MED15: variants seen among roughly 807,000 people sequenced by gnomAD.
MED15 encodes mediator of RNA polymerase II transcription subunit 15.
In MED15, 41 loss-of-function variants were observed where a neutral mutation model predicts 118.7. The ratio of observed to expected loss-of-function variants is 0.35; its 90% CI spans 0.27 to 0.45. MED15 has a LOEUF of 0.45. Among genes scored for constraint, MED15 ranks in the 20% least tolerant of loss-of-function variants. The pLI is 1.00. For synonymous variants in MED15, 436 were observed against 413.9 expected, an observed-to-expected ratio of 1.05 and a Z score of -0.65; for missense variants, 740 against 1,025.5, an observed-to-expected ratio of 0.72 and a Z score of 3.80.
chr22:20,510,791 G>T (rs1254952986), intron 1 of MED15, among the ~76,000 whole-genome samples: 1 of 152,198 alleles, frequency 6.6e-6, no homozygotes, highest in Non-Finnish European at 1.5e-5. Context: ...AGTGCACACA[G>T]AGAAGCCAGG....
intron 1 of MED15, among the ~76,000 whole-genome samples, chr22:20,521,869 G>A (rs996595781): frequency 2.0e-5 from 3 of 151,848 alleles, no homozygotes; most frequent in Non-Finnish European, 2.9e-5. Flanking sequence ...GGGACTACAG[G>A]CGTGCACCAC....
chr22:20,525,715 T>C (rs1011315307), intron 1 of MED15, among the ~76,000 whole-genome samples: 3 of 151,684 alleles, frequency 2.0e-5, no homozygotes, highest in African/African-American at 4.8e-5. Flanking sequence ...TTTGTATTTT[T>C]AGTAGAGACG....
chr22:20,576,453 C>A (rs1437491545), intron 9 of MED15, among the ~76,000 whole-genome samples: 3 of 152,244 alleles, frequency 2.0e-5, no homozygotes, highest in African/African-American at 7.2e-5. Flanking sequence ...GTGCCACACA[C>A]CACACACTGC....
chr22:20,527,016 G>C (rs2054668896), intron 1 of MED15, among the ~76,000 whole-genome samples: 1 of 152,150 alleles, frequency 6.6e-6, no homozygotes, highest in Admixed American at 6.5e-5. Flanking sequence ...ATGCTAACTG[G>C]GGAATTTAAA....
intron 17 of MED15, 41 bp downstream of exon 17, chr22:20,585,867 G>C (rs1385593448): frequency 1.3e-6 from 2 of 1,588,854 alleles, no homozygotes; most frequent in Admixed American, 3.4e-5. Context: ...CCCAGGGCAA[G>C]CAGGGGTCAT....
At chr22:20,585,703 A>T (rs1369838262) in intron 16 of MED15, 25 bp from the exon 17 acceptor site, 1 of 1,608,986 alleles carries the variant, frequency 6.2e-7, no homozygotes, top group East Asian at 2.2e-5. Context: ...TGTCCAGGTC[A>T]CAGATAGAGC....
rs1484994639 is a variant in MED15 at position 20,564,490 on chromosome 22, G to GCAA, written c.495_497dup (p.Gln168dup). The stretch of plus-strand genomic sequence containing the variant: ...AGCAGGTGGCGCTGCAGCAGCAGCA[G>GCAA]CAACAGCAGCAGTTCCAGCAGCAGC... On this transcript the variant is annotated inframe_insertion, in exon 6 of 18. Coordinates refer to ENST00000263205, the MANE Select transcript of MED15 (RefSeq NM_001003891.3). 1 of 1,608,624 alleles carries GCAA rather than the reference G, an allele frequency of 6.2e-7. No homozygotes were observed. The highest frequency in any genetic ancestry group is 8.5e-7 in the Non-Finnish European group (1 of 1,175,698).
Position 20,585,259 on chromosome 22 carries a change from G to T in MED15, c.2123G>T (p.Cys708Phe). 1 of 1,613,098 alleles carries T rather than the reference G, an allele frequency of 6.2e-7. No individual in the cohort carries two copies. The highest frequency in any genetic ancestry group is 8.5e-7 in the Non-Finnish European group (1 of 1,179,634). ...CSNNGTVHLI[C>F]KLDDKDLPSV... ...AACAATGGCACTGTCCACCTGATCT[G>T]CAAGCTGGGTGAGTGTCCAGAGGGC... Residue 708 changes from cysteine to phenylalanine, a missense_variant, in exon 16 of 18, where the codon TGC (cysteine) becomes TTC (phenylalanine). This residue lies in a region of MED15 where 179 missense variants were observed against 259.0 expected (regional missense o/e 0.69). Coordinates refer to ENST00000263205, the MANE Select transcript of MED15 (RefSeq NM_001003891.3).
chr22:20,573,388 G>A (rs5759311), intron 8 of MED15, among the ~76,000 whole-genome samples: 9,008 of 152,278 alleles, frequency 0.059, 609 homozygotes, highest in East Asian at 0.36. Flanking sequence ...GACTCCCATT[G>A]TGGACATGTA....
At position 20,586,488 on chromosome 22, in the gene MED15, C is replaced by A. The variant is rs998637844; in HGVS notation, c.2231-80C>A. The A allele has an allele frequency of 1.8e-5, 28 of 1,567,194 alleles. No homozygotes were observed. The Admixed American group carries it at 4.8e-4, about 27-fold the overall frequency. ...CTTCGGCCCGCGCCTGGGGCTACCC[C>A]TTCCCAGAGCACTGCCGGGTGTGCC... On this transcript the variant is annotated intron_variant, in intron 17 of 17. Coordinates refer to ENST00000263205, the MANE Select transcript of MED15 (RefSeq NM_001003891.3).
rs1483841368 is a variant in MED15, at chr22:20,564,544, G to GCAGCAGCAA, written c.555_563dup (p.Gln186_Gln188dup). 6.2e-7 allele frequency: 1 copy of GCAGCAGCAA among 1,606,106 alleles called. No homozygotes were observed. The highest frequency in any genetic ancestry group is 8.5e-7 in the Non-Finnish European group (1 of 1,173,828). On this transcript the variant is annotated inframe_insertion, in exon 6 of 18. Coordinates refer to ENST00000263205, the MANE Select transcript of MED15 (RefSeq NM_001003891.3). ...AGGCGGCGCTACAGCAGCAGCAGCA[G>GCAGCAGCAA]CAGCAGCAACAGCAGCAGTTCCAGG... is the stretch of plus-strand genomic sequence containing the variant.
At chr22:20,547,301 T>G (rs1459698169) in intron 2 of MED15, among the ~76,000 whole-genome samples, 1 of 152,256 alleles carries the variant, frequency 6.6e-6, no homozygotes, top group Non-Finnish European at 1.5e-5. Flanking sequence ...ATTTCTTTTC[T>G]CTATATGATT....
intron 5 of MED15, among the ~76,000 whole-genome samples, chr22:20,563,710 C>G (rs781624509): frequency 1.8e-4 from 27 of 152,226 alleles, no homozygotes; most frequent in Non-Finnish European, 2.9e-4. Context: ...TTGGAGGAAA[C>G]TGGGCAAAGT....
chr22:20,577,013 G>A (rs774459401), intron 9 of MED15, among the ~76,000 whole-genome samples: 2 of 152,142 alleles, frequency 1.3e-5, no homozygotes, highest in Admixed American at 6.6e-5. Context: ...TTCAGTGTGC[G>A]ATATGTGCCA....
chr22:20,556,769 T>C (rs2056028258), intron 5 of MED15, among the ~76,000 whole-genome samples: 1 of 152,212 alleles, frequency 6.6e-6, no homozygotes, highest in Non-Finnish European at 1.5e-5. Flanking sequence ...GATCGCGCCC[T>C]CCCTCCAGCC....
At chr22:20,577,603 A>G (rs928235820) in intron 9 of MED15, among the ~76,000 whole-genome samples, 3 of 151,954 alleles carry the variant, frequency 2.0e-5, no homozygotes, top group African/African-American at 7.3e-5. Flanking sequence ...GAAGCTGAAA[A>G]AGTTATTGCC....
intron 1 of MED15, 93 bp downstream of exon 1, chr22:20,507,839 G>A (rs2146317639): frequency 6.4e-7 from 1 of 1,563,226 alleles, no homozygotes; most frequent in South Asian, 1.1e-5. Context: ...GAAACCTACG[G>A]CGCCGGGAGA....
At chr22:20,567,543 A>G (rs1021871393) in intron 7 of MED15, among the ~76,000 whole-genome samples, 1 of 152,060 alleles carries the variant, frequency 6.6e-6, no homozygotes, top group Non-Finnish European at 1.5e-5. Flanking sequence ...AGTCTAGGAG[A>G]GTTGTGAGGA....
At chr22:20,577,734 C>T (rs371271102) in intron 9 of MED15, among the ~76,000 whole-genome samples, 31 of 151,970 alleles carry the variant, frequency 2.0e-4, no homozygotes, top group African/African-American at 7.0e-4. Context: ...CCCGCCCATT[C>T]GCACTGGCAG....
Sources: gnomAD v4.1 joint callset for allele counts (sites outside exome capture counted in the v4.1 genomes callset) on GRCh38, gnomAD v4.1.1 for gene constraint, gnomAD v4.1.1 regional missense constraint, MANE v1.5 for transcripts, NCBI Gene and HGNC (gene_info 2026-07-23, HGNC 2026-07-21) for gene names.